SPAG1: variants seen among roughly 807,000 people sequenced by gnomAD.
The protein encoded by SPAG1 is sperm associated antigen 1, also known as sperm-associated antigen 1.
SPAG1 carries 69 observed loss-of-function variants against 100.5 expected under a neutral mutation model. The ratio of observed to expected loss-of-function variants is 0.69; its 90% CI spans 0.57 to 0.84. The LOEUF (loss-of-function observed/expected upper bound fraction) is 0.84. SPAG1 is among the 40% of genes least tolerant of loss of function. The probability of loss-of-function intolerance (pLI) is 0.00; values close to 1 mark genes in which losing one functional copy is unlikely to be tolerated. For missense variants in SPAG1, 955 were observed against 1,133.1 expected, an observed-to-expected ratio of 0.84 and a Z score of 2.26; for synonymous variants, 336 against 411.6, an observed-to-expected ratio of 0.82 and a Z score of 2.22.
intron 8 of SPAG1, among the ~76,000 whole-genome samples, chr8:100,188,995 G>C (rs1233385810): frequency 1.3e-5 from 2 of 152,136 alleles, no homozygotes; most frequent in Non-Finnish European, 2.9e-5. Context: ...GCTCTGCCAG[G>C]CCCCGTGCCA....
intron 14 of SPAG1, among the ~76,000 whole-genome samples, chr8:100,227,675 T>C (rs1190312847): frequency 1.3e-5 from 2 of 152,194 alleles, no homozygotes; most frequent in Non-Finnish European, 2.9e-5. Context: ...TGAATTTTTC[T>C]GTCCATATTT....
intron 8 of SPAG1, among the ~76,000 whole-genome samples, chr8:100,188,563 TG>T (rs1460078299): frequency 1.3e-5 from 2 of 152,226 alleles, no homozygotes; most frequent in African/African-American, 4.8e-5. Context: ...CACTCTATTT[TG>T]ATTCCCTGTC....
intron 16 of SPAG1, among the ~76,000 whole-genome samples, chr8:100,236,464 G>T (rs947680570): frequency 6.6e-6 from 1 of 152,108 alleles, no homozygotes; most frequent in African/African-American, 2.4e-5. Flanking sequence ...ATCTTCAAAG[G>T]CTACAACTGC....
chr8:100,170,821 A>T (rs1457132059), intron 3 of SPAG1, among the ~76,000 whole-genome samples: 3 of 146,732 alleles, frequency 2.0e-5, no homozygotes, highest in Non-Finnish European at 3.0e-5. Context: ...TTATTTATTT[A>T]TTTATTTATT....
Position 100,162,295 on chromosome 8 carries a change from T to C in SPAG1, c.15T>C (p.Asp5=). The change falls in exon 2 of 19, where the codon GAT becomes GAC. Residue 5 remains aspartate, a synonymous_variant. Transcript: ENST00000388798. MTTK[D]YPSLWGFGTT... is the part of the protein sequence containing the mutation. Reference sequence around the variant, plus strand: ...GTATTTCAGCTATGACCACCAAAGATTATCCATCATTGTGGGGCTTTGGAA... The same window carrying C: ...GTATTTCAGCTATGACCACCAAAGACTATCCATCATTGTGGGGCTTTGGAA... The C allele has an allele frequency of 6.2e-7, 1 of 1,600,734 alleles. No individual in the cohort carries two copies. The highest frequency in any genetic ancestry group is 1.3e-5 in the African/African-American group (1 of 74,274).
rs182338622 is a variant in SPAG1 at position 100,174,902 on chromosome 8, G to T, written c.301-2914G>T. Among the ~76,000 whole-genome samples, 777 of 149,760 alleles carry T rather than the reference G, an allele frequency of 5.2e-3. 9 individuals are homozygous for T. Among genetic ancestry groups the T allele is most frequent in the African/African-American group, 0.018 (727 of 40,882 alleles). ...TATGATTTCCTTGATTTACTCTATT[G>T]TAAATCCTATGAAATCCCGGACAAC... On this transcript the variant is annotated intron_variant, in intron 3 of 18. Transcript: ENST00000388798.
intron 10 of SPAG1, among the ~76,000 whole-genome samples, chr8:100,200,529 T>C (rs1046530415): frequency 1.3e-5 from 2 of 152,246 alleles, no homozygotes; most frequent in Non-Finnish European, 2.9e-5. Context: ...CACACTGTCT[T>C]CCACAATGGT....
rs546511272 is a variant in SPAG1, at chr8:100,180,878, T to C, written c.427-2497T>C. ...TGAAAGTCTTTTTTGATGATCTCCA[T>C]GCAGATATTAACAAATTGTGATTTT... is the stretch of plus-strand genomic sequence containing the variant. On this transcript the variant is annotated intron_variant, in intron 4 of 18. Transcript: ENST00000388798. Among the ~76,000 whole-genome samples, 56 of 152,328 alleles carry C rather than the reference T, an allele frequency of 3.7e-4. No homozygotes were observed. The South Asian group carries it at 0.012, about 32-fold the overall frequency.
chr8:100,199,935 A>G (rs942396868), intron 10 of SPAG1, among the ~76,000 whole-genome samples: 7 of 151,052 alleles, frequency 4.6e-5, no homozygotes, highest in Admixed American at 2.0e-4. Context: ...TTTAGGGTGC[A>G]GCAACTCATT....
intron 3 of SPAG1, 28 bp from the exon 4 acceptor site, chr8:100,177,788 A>C (rs762225470): frequency 1.5e-6 from 2 of 1,304,350 alleles, no homozygotes; most frequent in African/African-American, 2.9e-5. Context: ...ATTTCAAACT[A>C]TATATTTACC....
intron 4 of SPAG1, among the ~76,000 whole-genome samples, chr8:100,183,061 C>T (rs1257979898): frequency 7.9e-5 from 12 of 152,150 alleles, no homozygotes; most frequent in African/African-American, 2.9e-4. Flanking sequence ...GCAACCTCCA[C>T]CTCCCAGGTT....
intron 14 of SPAG1, 83 bp from the exon 15 acceptor site, chr8:100,231,073 G>T (rs1189213831): frequency 8.0e-7 from 1 of 1,255,102 alleles, no homozygotes; most frequent in African/African-American, 1.5e-5. Flanking sequence ...ATTTGCAATA[G>T]AAGATTTACT....
chr8:100,220,589 CCTTAA>C (rs1320864553), intron 13 of SPAG1, among the ~76,000 whole-genome samples, 158 bp downstream of exon 13: 15 of 152,244 alleles, frequency 9.9e-5, no homozygotes, highest in Admixed American at 2.0e-4. Context: ...TGGTTCTCTC[CCTTAA>C]CTTAATTTCT....
At chr8:100,232,660 A>G (rs531503389) in intron 15 of SPAG1, among the ~76,000 whole-genome samples, 4 of 152,168 alleles carry the variant, frequency 2.6e-5, no homozygotes, top group African/African-American at 9.6e-5. Context: ...CAGCACCCTT[A>G]TGGTGTCCTT....
chr8:100,212,019 G>C (rs1157845295), intron 10 of SPAG1, among the ~76,000 whole-genome samples: 1 of 152,034 alleles, frequency 6.6e-6, no homozygotes, highest in Non-Finnish European at 1.5e-5. Context: ...AACCCTACTG[G>C]GTTTAATCTG....
chr8:100,184,773 A>G (rs1413511560), intron 7 of SPAG1, 40 bp downstream of exon 7: 5 of 1,154,884 alleles, frequency 4.3e-6, no homozygotes, highest in Non-Finnish European at 6.2e-6. Context: ...TGCCTTTTAA[A>G]AAATGATAAT....
At position 100,191,385 on chromosome 8, in the gene SPAG1, T is replaced by G. The variant is rs969872728; in HGVS notation, c.833-5T>G. On this transcript the variant is annotated splice_polypyrimidine_tract_variant and splice_region_variant and intron_variant, in intron 8 of 18. Transcript: ENST00000388798. ...AACATAACTTTTATATTGGTAAATTTTCAGCTCTTCTGCGTCGTGCTACTA... is the reference window on the plus strand; with the variant it reads ...AACATAACTTTTATATTGGTAAATTGTCAGCTCTTCTGCGTCGTGCTACTA... 1 of 1,597,664 alleles carries G rather than the reference T, an allele frequency of 6.3e-7. No individual in the cohort carries two copies. Among genetic ancestry groups the G allele is most frequent in the African/African-American group, 1.3e-5 (1 of 74,244 alleles).
chr8:100,177,809 T>C lies in SPAG1; in HGVS notation c.301-7T>C. ...AACTATATATTTACCCTTTTCTCTA[T>C]TCTCAGAGTTGGGTATCAGAAATTA... On this transcript the variant is annotated splice_polypyrimidine_tract_variant and splice_region_variant and intron_variant, in intron 3 of 18. Transcript: ENST00000388798. 1 of 1,452,950 alleles carries C rather than the reference T, an allele frequency of 6.9e-7. No individual in the cohort carries two copies. The highest frequency in any genetic ancestry group is 9.6e-7 in the Non-Finnish European group (1 of 1,040,654). The allele number at this position is 1,452,950 out of a possible 1,614,324, so 90.0% of individuals were successfully genotyped here.
intron 15 of SPAG1, among the ~76,000 whole-genome samples, chr8:100,232,310 CTT>C (rs1818810969): frequency 6.6e-6 from 1 of 152,226 alleles, no homozygotes; most frequent in East Asian, 1.9e-4. Flanking sequence ...CTTCTGTAGG[CTT>C]TTCTTTCCCT....
Sources: allele counts gnomAD v4.1 joint callset (sites outside exome capture counted in the v4.1 genomes callset), GRCh38; gene constraint gnomAD v4.1.1; transcripts MANE v1.5; gene names NCBI Gene and HGNC (gene_info 2026-07-23, HGNC 2026-07-21).